The following TXK variants were observed in gnomAD, a reference collection of about 807,000 sequenced individuals.
The protein encoded by TXK is tyrosine-protein kinase TXK.
TXK carries 60 observed loss-of-function variants against 81.0 expected under a neutral mutation model. That is an observed-to-expected ratio of 0.74 (90% confidence interval 0.60 to 0.92). The LOEUF is 0.92. Ranked by LOEUF, TXK falls within the 40% of genes least tolerant of loss-of-function variation. TXK has a pLI of 0.00. For missense variants in TXK, 581 were observed against 638.3 expected (o/e 0.91, Z 0.97); for synonymous variants, 203 against 210.7 (o/e 0.96, Z 0.32).
At chr4:48,104,062 G>A (rs1718303750) in intron 6 of TXK, among the ~76,000 whole-genome samples, 1 of 148,500 alleles carries the variant, frequency 6.7e-6, no homozygotes, top group Non-Finnish European at 1.5e-5. Flanking sequence ...AAACTAGCCA[G>A]GCATGGTGGC....
intron 14 of TXK, among the ~76,000 whole-genome samples, chr4:48,069,860 T>C (rs576849005): frequency 1.3e-5 from 2 of 152,334 alleles, no homozygotes; most frequent in Admixed American, 6.5e-5. Flanking sequence ...CTGAGCTACT[T>C]ACATTGTTAT....
intron 4 of TXK, among the ~76,000 whole-genome samples, chr4:48,111,922 G>A (rs1388260458): frequency 6.6e-6 from 1 of 152,188 alleles, no homozygotes; most frequent in Non-Finnish European, 1.5e-5. Flanking sequence ...ACATAAAAGT[G>A]AATAAAATAC....
chr4:48,083,920 C>A (rs1283073663), intron 10 of TXK, among the ~76,000 whole-genome samples: 2 of 152,074 alleles, frequency 1.3e-5, no homozygotes, highest in Non-Finnish European at 2.9e-5. Context: ...GAGGAGACCT[C>A]CTGAAAGAGG....
intron 9 of TXK, 97 bp downstream of exon 9, chr4:48,089,653 A>G (rs1717679513): frequency 9.8e-7 from 1 of 1,021,240 alleles, no homozygotes; most frequent in African/African-American, 1.6e-5. Context: ...TTGCCTCCCA[A>G]AGTGCTAGGA....
intron 5 of TXK, among the ~76,000 whole-genome samples, chr4:48,108,720 T>TA (rs1338031302): frequency 6.6e-6 from 1 of 152,156 alleles, no homozygotes; most frequent in African/African-American, 2.4e-5. Flanking sequence ...GATGATTTTT[T>TA]AAAAAAACAC....
chr4:48,101,062 G>C (rs1718173056), intron 6 of TXK, among the ~76,000 whole-genome samples: 2 of 151,980 alleles, frequency 1.3e-5, no homozygotes, highest in Non-Finnish European at 2.9e-5. Flanking sequence ...TCTGTGGGTA[G>C]GGAAATTGGT....
At chr4:48,076,906 G>A (rs771160583) in intron 11 of TXK, among the ~76,000 whole-genome samples, 1 of 152,140 alleles carries the variant, frequency 6.6e-6, no homozygotes, top group Non-Finnish European at 1.5e-5. Flanking sequence ...TGGGATTACA[G>A]GCATAAGCCA....
chr4:48,122,762 G>A (rs1241990152), intron 1 of TXK, among the ~76,000 whole-genome samples: 1 of 152,238 alleles, frequency 6.6e-6, no homozygotes, highest in Admixed American at 6.5e-5. Context: ...CTTGCTCAGA[G>A]GATGTACCTG....
intron 1 of TXK, among the ~76,000 whole-genome samples, chr4:48,127,138 T>C (rs1719109203): frequency 6.6e-6 from 1 of 152,222 alleles, no homozygotes; most frequent in Non-Finnish European, 1.5e-5. Flanking sequence ...CTGCTTTGTT[T>C]GTGGTTCCAT....
At position 48,082,365 on chromosome 4, in the gene TXK, T is replaced by C. The variant is rs148865021; in HGVS notation, c.957-2237A>G. Among the ~76,000 whole-genome samples, 5 of 152,288 alleles carry C rather than the reference T, an allele frequency of 3.3e-5. No individual in the cohort carries two copies. The East Asian group carries it at 9.7e-4, about 29-fold the overall frequency. ...CTCTTTAAGTCTACTAAGAAACATT[T>C]ACAATCTATTTTCCCTGAAACCTTC... is the stretch of plus-strand genomic sequence containing the variant. On this transcript the variant is annotated intron_variant, in intron 10 of 14. Transcript: ENST00000264316.
At chr4:48,126,274 C>G (rs1455516151) in intron 1 of TXK, among the ~76,000 whole-genome samples, 1 of 152,212 alleles carries the variant, frequency 6.6e-6, no homozygotes, top group Non-Finnish European at 1.5e-5. Context: ...CACTTTCACT[C>G]CATGAATAGT....
At chr4:48,132,872 G>A (rs961381302) in intron 1 of TXK, among the ~76,000 whole-genome samples, 6 of 152,162 alleles carry the variant, frequency 3.9e-5, no homozygotes, top group African/African-American at 1.4e-4. Context: ...CTTGAACCCA[G>A]GAGGTGGAGG....
At chr4:48,099,887 A>T (rs1718120261) in intron 6 of TXK, among the ~76,000 whole-genome samples, 1 of 152,246 alleles carries the variant, frequency 6.6e-6, no homozygotes, top group African/African-American at 2.4e-5. Context: ...GATCAAAGAT[A>T]AAAATGCGTA....
intron 5 of TXK, among the ~76,000 whole-genome samples, chr4:48,108,997 T>G (rs1448832811): frequency 6.6e-6 from 1 of 152,052 alleles, no homozygotes; most frequent in African/African-American, 2.4e-5. Flanking sequence ...AAATCCAAAT[T>G]ATATGAAAAA....
chr4:48,120,415 A>C (rs1238881405), intron 1 of TXK, among the ~76,000 whole-genome samples: 12 of 151,366 alleles, frequency 7.9e-5, no homozygotes, highest in African/African-American at 2.9e-4. Flanking sequence ...GCTGTTAAAA[A>C]CAAAACAAAC....
At chr4:48,100,171 CA>C (rs11341305) in intron 6 of TXK, among the ~76,000 whole-genome samples, 14,418 of 53,326 alleles carry the variant, frequency 0.27, 374 homozygotes, top group East Asian at 0.47. Flanking sequence ...GACTCCATCT[CA>C]AAAAAAAAAA....
intron 1 of TXK, among the ~76,000 whole-genome samples, chr4:48,126,596 G>A (rs1372041559): frequency 6.6e-6 from 1 of 152,124 alleles, no homozygotes; most frequent in Non-Finnish European, 1.5e-5. Context: ...CGCCTCCCAG[G>A]TTCAAGCGAT....
chr4:48,115,675 C>T (rs546154848), intron 1 of TXK, among the ~76,000 whole-genome samples: 2 of 152,154 alleles, frequency 1.3e-5, no homozygotes, highest in African/African-American at 2.4e-5. Context: ...GGCAGAACCC[C>T]ATGTCTACCC....
chr4:48,093,192 T>C (rs1355504041), intron 8 of TXK, among the ~76,000 whole-genome samples: 3 of 152,210 alleles, frequency 2.0e-5, no homozygotes, highest in Non-Finnish European at 2.9e-5. Flanking sequence ...TGAATAGCCA[T>C]GTGGATGCAT....
Sources: gnomAD v4.1 joint callset for allele counts (sites outside exome capture counted in the v4.1 genomes callset) on GRCh38, gnomAD v4.1.1 for gene constraint, MANE v1.5 for transcripts, NCBI Gene and HGNC (gene_info 2026-07-23, HGNC 2026-07-21) for gene names.